Variants in AMOTL2 observed in about 807,000 individuals in gnomAD.
AMOTL2 encodes the protein angiomotin-like protein 2.
Under a neutral mutation model 78.4 loss-of-function variants are expected in AMOTL2, and 33 were observed. The ratio of observed to expected loss-of-function variants is 0.42; its 90% confidence interval spans 0.32 to 0.56. The LOEUF is 0.56. Ranked by LOEUF, AMOTL2 falls within the 20% of genes least tolerant of loss-of-function variation. The pLI is 0.12. For missense variants in AMOTL2, 983 were observed against 1,030.1 expected, an observed-to-expected ratio of 0.95 and a Z score of 0.63; for synonymous variants, 422 against 428.8, an observed-to-expected ratio of 0.98 and a Z score of 0.20.
chr3:134,360,117 C>G lies in AMOTL2; in HGVS notation c.1872G>C (p.Glu624Asp). 6.2e-7 allele frequency: 1 copy of G among 1,604,134 alleles called. No homozygotes were observed. Among genetic ancestry groups the G allele is most frequent in the Non-Finnish European group, 8.5e-7 (1 of 1,171,676 alleles). The change falls in exon 7 of 10, where the codon GAG (glutamate) becomes GAC (aspartate). Residue 624 changes from glutamate to aspartate, a missense_variant. Physicochemically the swap from Glu to Asp is conservative, Grantham distance 45. Coordinates refer to ENST00000249883, the MANE Select transcript of AMOTL2 (RefSeq NM_016201.4). Reference protein sequence around the residue: ...GLLTGGHRHQEMESRLKVLHA... With the variant: ...GLLTGGHRHQDMESRLKVLHA... Reference sequence around the variant, plus strand: ...CTGCAATGCCGAACCTGCTTTCCATCTCCTGATGCCTGTGGCCACCAGTGA... The same window carrying G: ...CTGCAATGCCGAACCTGCTTTCCATGTCCTGATGCCTGTGGCCACCAGTGA...
chr3:134,366,342 A>G lies in AMOTL2; in HGVS notation c.1127T>C (p.Met376Thr). ...SSKREALEKT[M>T]RNKMDSEMRR... ...CATTTCACTGTCCATCTTGTTCCGC[A>G]TGGTCTTCTCCAGGGCCTCACGCTT... The change falls in exon 4 of 10, where the codon ATG (methionine) becomes ACG (threonine). Residue 376 changes from methionine (M) to threonine (T), a missense_variant. By Grantham distance (81) the Met-to-Thr change is moderately conservative. Transcript: ENST00000249883. The G allele has an allele frequency of 6.2e-7, 1 of 1,614,106 alleles. No individual in the cohort carries two copies.
At chr3:134,372,761 G>C (rs1373150556) in intron 1 of AMOTL2, among the ~76,000 whole-genome samples, 1 of 152,072 alleles carries the variant, frequency 6.6e-6, no homozygotes, top group Non-Finnish European at 1.5e-5. Context: ...AGATTATATC[G>C]GAGAAAGGAG....
chr3:134,366,573 G>C (rs1314643333), intron 3 of AMOTL2, 146 bp from the exon 4 acceptor site: 3 of 782,342 alleles, frequency 3.8e-6, no homozygotes, highest in Non-Finnish European at 2.0e-6. Flanking sequence ...TGGTGGGATG[G>C]TCAGAAGCTT....
rs1192427205 is a variant in AMOTL2 at position 134,361,562 on chromosome 3, G to A, written c.1525C>T (p.Arg509Cys). Residue 509 changes from arginine (R) to cysteine (C), a missense_variant, in exon 6 of 10, where the codon CGT (arginine) becomes TGT (cysteine). Arg to Cys is a radical substitution (Grantham distance 180, BLOSUM62 -3). Transcript: ENST00000249883. ...TCCTGCTCCAGGCGAGTCCGCAGACGCAGCTCCAGCTGCTCCCGCTTCTCA... is the reference window on the plus strand; with the variant it reads ...TCCTGCTCCAGGCGAGTCCGCAGACACAGCTCCAGCTGCTCCCGCTTCTCA... ...ACEKREQLEL[R>C]LRTRLEQELK... 9 of 1,613,140 alleles carry A rather than the reference G, an allele frequency of 5.6e-6. No homozygotes were observed. The highest frequency in any genetic ancestry group is 1.7e-5 in the Admixed American group (1 of 59,982).
intron 9 of AMOTL2, among the ~76,000 whole-genome samples, chr3:134,358,099 A>G (rs1009893895): frequency 6.6e-6 from 1 of 152,222 alleles, no homozygotes; most frequent in Non-Finnish European, 1.5e-5. Flanking sequence ...CAAATATGCA[A>G]AGGCCAATGT....
At chr3:134,365,096 T>C (rs2017545299) in intron 5 of AMOTL2, among the ~76,000 whole-genome samples, 2 of 152,252 alleles carry the variant, frequency 1.3e-5, no homozygotes, top group East Asian at 3.9e-4. Context: ...GCCACCCCCG[T>C]TGTTCTTTTG....
Position 134,357,667 on chromosome 3 carries a change from G to A in AMOTL2, c.*38C>T, listed in dbSNP as rs948250748. On this transcript the variant is annotated 3_prime_UTR_variant, in exon 10 of 10. Transcript: ENST00000249883. Reference sequence around the variant, plus strand: ...CTGAGAGTGGCACAGGGCAGAGGAGGGGAGAGAATGGCTCAGAGTCCTGAA... The same window carrying A: ...CTGAGAGTGGCACAGGGCAGAGGAGAGGAGAGAATGGCTCAGAGTCCTGAA... 3.1e-6 allele frequency: 5 copies of A among 1,606,594 alleles called. No individual in the cohort carries two copies. The African/African-American group carries it at 4.0e-5, about 13-fold the overall frequency.
chr3:134,370,103 C>T (rs2017784955), intron 2 of AMOTL2, among the ~76,000 whole-genome samples: 1 of 152,148 alleles, frequency 6.6e-6, no homozygotes, highest in African/African-American at 2.4e-5. Context: ...AGAAAAGGGC[C>T]CACTTGGACC....
At chr3:134,374,484 C>T, upstream of AMOTL2, 2 of 985,642 alleles carry the variant, frequency 2.0e-6, no homozygotes, top group East Asian at 1.1e-4. Context: ...CCAGGGTCGG[C>T]CCGCGCCGGA....
At chr3:134,359,586 GA>G (rs2017252820) in intron 7 of AMOTL2, 83 bp from the exon 8 acceptor site, 2 of 1,191,576 alleles carry the variant, frequency 1.7e-6, no homozygotes, top group Non-Finnish European at 2.4e-6. Flanking sequence ...GGAGTTAGAG[GA>G]AAAGCCCCCC....
intron 9 of AMOTL2, among the ~76,000 whole-genome samples, chr3:134,358,107 T>A (rs947065817): frequency 5.3e-5 from 8 of 152,200 alleles, no homozygotes; most frequent in African/African-American, 1.2e-4. Context: ...CAAAGGCCAA[T>A]GTGAAAGGGG....
In AMOTL2 at chr3:134,365,750, C is replaced by T; in HGVS notation, c.1279+67G>A. 2.8e-6 allele frequency: 4 copies of T among 1,445,630 alleles called. No homozygotes were observed. In the East Asian group the frequency reaches 9.1e-5, roughly 33 times the overall value. 89.6% of individuals were successfully genotyped at this position (1,445,630 alleles called of 1,614,324 possible). On this transcript the variant is annotated intron_variant, in intron 5 of 9. Coordinates refer to ENST00000249883, the MANE Select transcript of AMOTL2 (RefSeq NM_016201.4). The stretch of plus-strand genomic sequence containing the variant: ...AAGGGGGAAGGCCAATCTTCCTAGT[C>T]CAGAGGGTGTGCAGCAGTCCCATTG...
chr3:134,371,357 G>A lies in AMOTL2; in HGVS notation c.77C>T (p.Thr26Ile), dbSNP rs1246119091. ...IQEQLRYGNLTETRTLLAIQQ... is the reference protein window; with the variant it reads ...IQEQLRYGNLIETRTLLAIQQ... ...GATGGCTAGCAGCGTGCGCGTCTCA[G>A]TCAGGTTGCCGTAGCGCAGCTGCTC... Residue 26 changes from threonine to isoleucine, a missense_variant, in exon 2 of 10, where the codon ACT (threonine) becomes ATT (isoleucine). Coordinates refer to ENST00000249883, the MANE Select transcript of AMOTL2 (RefSeq NM_016201.4). 1 of 1,610,754 alleles carries A rather than the reference G, an allele frequency of 6.2e-7. No homozygotes were observed.
At chr3:134,366,528 G>T in intron 3 of AMOTL2, 101 bp from the exon 4 acceptor site, 1 of 1,323,082 alleles carries the variant, frequency 7.6e-7, no homozygotes, top group Admixed American at 2.6e-5. Flanking sequence ...ACAGATGAGA[G>T]GCCACCAAAC....
intron 2 of AMOTL2, 183 bp from the exon 3 acceptor site, chr3:134,367,986 T>G: frequency 1.9e-6 from 1 of 536,924 alleles, no homozygotes; most frequent in Non-Finnish European, 3.2e-6. Context: ...CAGGGACCAG[T>G]AGGGAAGGCC....
chr3:134,365,710 A>G (rs2017574363), intron 5 of AMOTL2, 107 bp downstream of exon 5: 1 of 1,030,774 alleles, frequency 9.7e-7, no homozygotes, highest in South Asian at 1.5e-5. Flanking sequence ...ACCTGCTCCC[A>G]AAGTACTACT....
rs574917139 is a variant in AMOTL2 at position 134,370,923 on chromosome 3, C to A, written c.511G>T (p.Gly171Cys). 1 of 1,611,886 alleles carries A rather than the reference C, an allele frequency of 6.2e-7. No individual in the cohort carries two copies. Among genetic ancestry groups the A allele is most frequent in the Non-Finnish European group, 8.5e-7 (1 of 1,179,368 alleles). ...CTCATGTGGCTGGGGGCCCGGGCGC[C>A]GTTCCTCTCCAGGGACAACTGAAGG... ...RLLQLSLERN[G>C]ARAPSHMSSS... Residue 171 changes from glycine to cysteine, a missense_variant, in exon 2 of 10, where the codon GGC becomes TGC. Physicochemically the swap from Gly to Cys is radical, Grantham distance 159. Coordinates refer to ENST00000249883, the MANE Select transcript of AMOTL2 (RefSeq NM_016201.4).
chr3:134,357,483 T>C lies in AMOTL2; in HGVS notation c.*222A>G, dbSNP rs2017126238. On this transcript the variant is annotated 3_prime_UTR_variant, in exon 10 of 10. Coordinates refer to ENST00000249883, the MANE Select transcript of AMOTL2 (RefSeq NM_016201.4). Reference sequence around the variant, plus strand: ...ATTCTCCATAAGGCCCGGAGGAATGTGGGCTAAGAAGCAGAGTCTTCTGGG... The same window carrying C: ...ATTCTCCATAAGGCCCGGAGGAATGCGGGCTAAGAAGCAGAGTCTTCTGGG... 4 of 572,450 alleles carry C rather than the reference T, an allele frequency of 7.0e-6. No homozygotes were observed. Among genetic ancestry groups the C allele is most frequent in the African/African-American group, 1.9e-5 (1 of 53,452 alleles). The allele number at this position is 572,450 out of a possible 1,614,324, so 35.5% of individuals were successfully genotyped here.
chr3:134,370,591 G>T, intron 2 of AMOTL2, 109 bp downstream of exon 2: 1 of 1,374,290 alleles, frequency 7.3e-7, no homozygotes, highest in Non-Finnish European at 9.6e-7. Flanking sequence ...TGGAGGTGGG[G>T]TGGATCTTGC....
Sources: gnomAD v4.1 joint callset for allele counts (sites outside exome capture counted in the v4.1 genomes callset) on GRCh38, gnomAD v4.1.1 for gene constraint, MANE v1.5 for transcripts, NCBI Gene and HGNC (gene_info 2026-07-23, HGNC 2026-07-21) for gene names.